The following PPARGC1A variants were observed in gnomAD, a reference collection of about 807,000 sequenced individuals.
The protein encoded by PPARGC1A is PPARG coactivator 1 alpha.
In PPARGC1A, 25 loss-of-function variants were observed where a neutral mutation model predicts 88.7. That is an observed-to-expected ratio of 0.28 (90% CI 0.21 to 0.39). PPARGC1A has a LOEUF of 0.39. Among genes scored for constraint, PPARGC1A ranks in the 10% least tolerant of loss-of-function variants. PPARGC1A has a pLI of 1.00. For synonymous variants in PPARGC1A, 363 were observed against 355.6 expected (o/e 1.02, Z -0.24); for missense variants, 880 against 968.7 (o/e 0.91, Z 1.22).
At chr4:24,184,521 T>C in the PPARGC1A span, among the ~76,000 whole-genome samples, 1 of 152,220 alleles carries the variant, frequency 6.6e-6, no homozygotes, top group African/African-American at 2.4e-5. Context: ...AGGGCAGAAA[T>C]GGTGCCTCCC....
At chr4:23,797,700 T>C (rs1412127461) in intron 12 of PPARGC1A, among the ~76,000 whole-genome samples, 1 of 138,252 alleles carries the variant, frequency 7.2e-6, no homozygotes, top group Non-Finnish European at 1.6e-5. Context: ...ACACTGTTAC[T>C]CAGAAAACAA....
upstream of PPARGC1A, among the ~76,000 whole-genome samples, chr4:23,908,210 G>C (rs907006891): frequency 1.3e-5 from 2 of 151,992 alleles, no homozygotes; most frequent in Admixed American, 6.6e-5. Context: ...GCCTCTTTAG[G>C]TATTTATAAG....
the PPARGC1A span, among the ~76,000 whole-genome samples, chr4:24,277,846 C>T: frequency 6.6e-6 from 1 of 152,106 alleles, no homozygotes; most frequent in East Asian, 1.9e-4. Flanking sequence ...AAGTAATTTA[C>T]CCTCTCTGAG....
At chr4:23,921,574 C>A in the PPARGC1A span, among the ~76,000 whole-genome samples, 1 of 152,058 alleles carries the variant, frequency 6.6e-6, no homozygotes, top group Admixed American at 6.5e-5. Flanking sequence ...ATTTCACTGG[C>A]GACAATAGAA....
At chr4:24,037,188 C>G in the PPARGC1A span, among the ~76,000 whole-genome samples, 1 of 152,130 alleles carries the variant, frequency 6.6e-6, no homozygotes, top group East Asian at 1.9e-4. Flanking sequence ...ATTTACTAAC[C>G]TTGGCAATAT....
chr4:24,363,485 T>G, the PPARGC1A span, among the ~76,000 whole-genome samples: 1 of 152,218 alleles, frequency 6.6e-6, no homozygotes, highest in African/African-American at 2.4e-5. Flanking sequence ...GATCCGGCTA[T>G]TATATTAAAG....
chr4:24,419,178 G>C, the PPARGC1A span, among the ~76,000 whole-genome samples: 1 of 151,868 alleles, frequency 6.6e-6, no homozygotes, highest in Non-Finnish European at 1.5e-5. Flanking sequence ...CCAGAATTTT[G>C]GTCGTCTCTA....
At chr4:24,349,893 C>A in the PPARGC1A span, among the ~76,000 whole-genome samples, 2 of 152,274 alleles carry the variant, frequency 1.3e-5, no homozygotes, top group African/African-American at 4.8e-5. Flanking sequence ...TTACCCCCTG[C>A]CCCTCTGGCC....
the PPARGC1A span, among the ~76,000 whole-genome samples, chr4:24,172,659 T>A: frequency 6.6e-6 from 1 of 152,200 alleles, no homozygotes. Flanking sequence ...TTAGATGTAA[T>A]TCCCTCCCTC....
At chr4:23,864,921 C>T (rs1046527191) in intron 2 of PPARGC1A, among the ~76,000 whole-genome samples, 8 of 152,172 alleles carry the variant, frequency 5.3e-5, no homozygotes, top group Non-Finnish European at 2.9e-5. Flanking sequence ...CGGTTGCTCA[C>T]GCCTGTAACC....
At chr4:24,124,427 C>G in the PPARGC1A span, among the ~76,000 whole-genome samples, 1 of 152,182 alleles carries the variant, frequency 6.6e-6, no homozygotes, top group Non-Finnish European at 1.5e-5. Flanking sequence ...TGGTACTCAT[C>G]ATACATTTTT....
chr4:23,845,378 G>T (rs1002516129), intron 2 of PPARGC1A, among the ~76,000 whole-genome samples: 2 of 152,130 alleles, frequency 1.3e-5, no homozygotes, highest in African/African-American at 4.8e-5. Flanking sequence ...AAGATAATAT[G>T]TGAAACTGTG....
At chr4:24,099,287 C>CA in the PPARGC1A span, among the ~76,000 whole-genome samples, 4,208 of 66,530 alleles carry the variant, frequency 0.063, 148 homozygotes, top group South Asian at 0.18. Context: ...CTCCCTCCTG[C>CA]AAAAAAAAAA....
the PPARGC1A span, among the ~76,000 whole-genome samples, chr4:24,353,233 A>C: frequency 2.0e-5 from 3 of 150,434 alleles, no homozygotes; most frequent in South Asian, 6.3e-4. Flanking sequence ...TTAAATACCA[A>C]CCTGATTCCT....
chr4:24,058,960 T>C, the PPARGC1A span, among the ~76,000 whole-genome samples: 1 of 152,196 alleles, frequency 6.6e-6, no homozygotes, highest in Non-Finnish European at 1.5e-5. Context: ...ACTGAATTCC[T>C]ATAATATAGC....
intron 2 of PPARGC1A, among the ~76,000 whole-genome samples, chr4:23,843,244 A>C (rs1299615215): frequency 6.6e-6 from 1 of 151,850 alleles, no homozygotes; most frequent in East Asian, 1.9e-4. Flanking sequence ...GGTCTTAAGC[A>C]TTTCTCAACT....
chr4:24,112,401 A>T, the PPARGC1A span, among the ~76,000 whole-genome samples: 1 of 152,140 alleles, frequency 6.6e-6, no homozygotes. Context: ...TTTATTTTTA[A>T]AACACCATGT....
chr4:24,399,746 A>G, the PPARGC1A span, among the ~76,000 whole-genome samples: 1 of 151,966 alleles, frequency 6.6e-6, no homozygotes, highest in African/African-American at 2.4e-5. Context: ...TGTTCATCAT[A>G]TCTTATTATC....
the PPARGC1A span, among the ~76,000 whole-genome samples, chr4:24,113,343 C>A: frequency 6.6e-6 from 1 of 151,430 alleles, no homozygotes; most frequent in Non-Finnish European, 1.5e-5. Context: ...ATGGGAACAA[C>A]CTCCTTTATT....
Sources: gnomAD v4.1 joint callset for allele counts (sites outside exome capture counted in the v4.1 genomes callset) on GRCh38, gnomAD v4.1.1 for gene constraint, MANE v1.5 for transcripts, NCBI Gene and HGNC (gene_info 2026-07-23, HGNC 2026-07-21) for gene names.